The following BANP variants were observed in gnomAD, a reference collection of about 807,000 sequenced individuals.
The protein encoded by BANP is protein BANP.
A neutral mutation model predicts 68.1 loss-of-function variants in BANP; 11 were observed. The observed-to-expected ratio is 0.16, with a 90% CI of 0.10 to 0.27. The LOEUF is 0.27. Ranked by LOEUF, BANP falls within the 10% of genes least tolerant of loss-of-function variation. The probability of loss-of-function intolerance (pLI) is 1.00; values close to 1 mark genes in which losing one functional copy is unlikely to be tolerated. For synonymous variants in BANP, 329 were observed against 303.2 expected, an observed-to-expected ratio of 1.09 and a Z score of -0.88; for missense variants, 504 against 722.7, an observed-to-expected ratio of 0.70 and a Z score of 3.47.
intron 11 of BANP, among the ~76,000 whole-genome samples, chr16:88,061,071 CCACTT>C (rs1253629774): frequency 3.9e-5 from 6 of 152,302 alleles, no homozygotes; most frequent in Admixed American, 1.3e-4. Context: ...CCGCAGGCCT[CCACTT>C]CCCTTCCTTC....
intron 7 of BANP, among the ~76,000 whole-genome samples, chr16:88,024,915 C>T (rs7192236): frequency 1 from 151,859 of 152,392 alleles, 75,665 homozygotes; most frequent in Middle Eastern, 1. Flanking sequence ...ATGTTTTCAC[C>T]CATTTCTCTT....
rs531821685 is a variant in BANP at position 88,018,298 on chromosome 16, A to C, written c.656-130A>C. 1.6e-5 allele frequency: 19 copies of C among 1,206,524 alleles called. No homozygotes were observed. In the African/African-American group the frequency reaches 2.9e-4, roughly 18 times the overall value. The allele number at this position is 1,206,524 out of a possible 1,614,324, so 74.7% of individuals were successfully genotyped here. A position where few individuals can be genotyped will look rare whatever the true frequency, so the allele number is the denominator to read the frequency against. ...CAGCGCTCTTGGTGACTGCCTCACA[A>C]GTTACGAGGGATTTGCCCAGCCCTG... On this transcript the variant is annotated intron_variant, in intron 6 of 13. Coordinates refer to ENST00000682872, the MANE Select transcript of BANP (RefSeq NM_001386991.1). The surrounding 1 kb of genome is among the most constrained non-coding windows in gnomAD (Gnocchi z 7.7).
At position 88,018,507 on chromosome 16, in the gene BANP, C is replaced by T. The variant is rs773337940; in HGVS notation, c.735C>T (p.Asp245=). The T allele has an allele frequency of 4.3e-6, 7 of 1,613,606 alleles. No individual in the cohort carries two copies. The highest frequency in any genetic ancestry group is 1.7e-6 in the Non-Finnish European group (2 of 1,180,030). Residue 245 remains aspartate, a synonymous_variant, in exon 7 of 14, where the codon GAC becomes GAT. Coordinates refer to ENST00000682872, the MANE Select transcript of BANP (RefSeq NM_001386991.1). This position sits in a 1 kb window ranked among gnomAD's most constrained non-coding sequence, Gnocchi z 7.7. ...TACGCTGCGCCATCATCCCCTCCGA[C>T]ATGCTGCACATCAGCACCAACTGCC... ...MRVRCAIIPS[D]MLHISTNCRT... is the part of the protein sequence containing the mutation.
intron 1 of BANP, among the ~76,000 whole-genome samples, chr16:87,962,389 A>G (rs768949497): frequency 1.1e-4 from 17 of 152,214 alleles, no homozygotes; most frequent in Non-Finnish European, 2.4e-4. Flanking sequence ...ATTAAAAAAT[A>G]TTCAAACATT....
chr16:88,076,235 G>C (rs1370394382), intron 13 of BANP, among the ~76,000 whole-genome samples: 1 of 152,174 alleles, frequency 6.6e-6, no homozygotes, highest in African/African-American at 2.4e-5. Context: ...AAATATCTTC[G>C]GGAGGGCCAG....
chr16:88,003,545 G>T lies in BANP; in HGVS notation c.363-750G>T, dbSNP rs574374160. ...CCAGAAAGTGCTAAGGCTTAAAAAC[G>T]CATGATTGAAAACTGTGGGTGAGTC... On this transcript the variant is annotated intron_variant, in intron 4 of 13. Coordinates refer to ENST00000682872, the MANE Select transcript of BANP (RefSeq NM_001386991.1). This position sits in a 1 kb window ranked among gnomAD's most constrained non-coding sequence, Gnocchi z 6.1. 2 of 456,078 alleles carry T rather than the reference G, an allele frequency of 4.4e-6. No homozygotes were observed. Among genetic ancestry groups the T allele is most frequent in the Admixed American group, 2.3e-5 (1 of 42,558 alleles). 28.3% of individuals were successfully genotyped at this position (456,078 alleles called of 1,614,324 possible). A position where few individuals can be genotyped will look rare whatever the true frequency, so the allele number is the denominator to read the frequency against.
rs1246828061 is a variant in BANP, at chr16:88,029,532, A to AC, written c.1063+1884dup. ...AGGCTGAGGCAGGAGAATGGCGTGA[A>AC]CCTGGGAGGCGGAGCTTGCAGTGAG... is the stretch of plus-strand genomic sequence containing the variant. On this transcript the variant is annotated intron_variant, in intron 8 of 13. Coordinates refer to ENST00000682872, the MANE Select transcript of BANP (RefSeq NM_001386991.1). Among the ~76,000 whole-genome samples, 5 of 151,158 alleles carry AC rather than the reference A, an allele frequency of 3.3e-5. 1 individual carries two copies. Among genetic ancestry groups the AC allele is most frequent in the Admixed American group, 2.6e-4 (4 of 15,112 alleles).
At chr16:87,997,183 T>A (rs1323245188) in intron 4 of BANP, among the ~76,000 whole-genome samples, 4 of 152,244 alleles carry the variant, frequency 2.6e-5, no homozygotes, top group Non-Finnish European at 5.9e-5. Context: ...GGTCTTGAAC[T>A]CCTGGGCTCA....
At chr16:88,065,909 C>G (rs1012940794) in intron 12 of BANP, among the ~76,000 whole-genome samples, 1 of 152,126 alleles carries the variant, frequency 6.6e-6, no homozygotes, top group African/African-American at 2.4e-5. Flanking sequence ...AGGGCCCCAG[C>G]CATGCTTGCC....
intron 11 of BANP, among the ~76,000 whole-genome samples, chr16:88,051,130 C>A (rs1474817051): frequency 3.9e-5 from 6 of 152,230 alleles, no homozygotes; most frequent in African/African-American, 1.4e-4. Flanking sequence ...GCACCCGGGT[C>A]CCTCCCGTGT....
At chr16:87,997,624 T>C (rs1405419003) in intron 4 of BANP, among the ~76,000 whole-genome samples, 2 of 152,176 alleles carry the variant, frequency 1.3e-5, no homozygotes, top group Admixed American at 6.5e-5. Context: ...AGTGAGACCA[T>C]GTCTTCATGG....
chr16:87,974,809 A>G (rs949536976), intron 1 of BANP, among the ~76,000 whole-genome samples: 2 of 152,152 alleles, frequency 1.3e-5, no homozygotes, highest in Admixed American at 6.5e-5. Context: ...GTGGAAACGG[A>G]GAGGCCCCGG....
At chr16:88,061,930 A>G (rs930745169) in intron 11 of BANP, among the ~76,000 whole-genome samples, 2 of 152,046 alleles carry the variant, frequency 1.3e-5, no homozygotes, top group African/African-American at 4.8e-5. Flanking sequence ...AAGTGCTAGG[A>G]CTGCAGGCAT....
chr16:88,023,522 G>A (rs1319254761), intron 7 of BANP, among the ~76,000 whole-genome samples: 1 of 150,580 alleles, frequency 6.6e-6, no homozygotes, highest in Non-Finnish European at 1.5e-5. Context: ...GAAGAAATCA[G>A]TTGTTGGCAC....
chr16:88,011,999 G>T (rs6540141), intron 6 of BANP, among the ~76,000 whole-genome samples: 35 of 152,194 alleles, frequency 2.3e-4, no homozygotes, highest in Admixed American at 1.6e-3. Context: ...CCTTTATGGG[G>T]TGTCCCTAGT....
intron 1 of BANP, among the ~76,000 whole-genome samples, chr16:87,972,628 G>T (rs1055684788): frequency 6.6e-6 from 1 of 152,038 alleles, no homozygotes; most frequent in East Asian, 1.9e-4. Context: ...GTTTAGAATC[G>T]TTTCTCTAAT....
intron 4 of BANP, among the ~76,000 whole-genome samples, chr16:87,987,556 C>A (rs12922326): frequency 2.0e-5 from 3 of 151,144 alleles, no homozygotes; most frequent in Non-Finnish European, 4.4e-5. Flanking sequence ...AGACCCCCAT[C>A]TGCACAAAAA....
chr16:87,979,458 C>T (rs866951244), intron 2 of BANP, among the ~76,000 whole-genome samples: 1 of 151,478 alleles, frequency 6.6e-6, no homozygotes, highest in Admixed American at 6.6e-5. Flanking sequence ...AACGGCTTCC[C>T]GAACTAGGCG....
intron 8 of BANP, among the ~76,000 whole-genome samples, chr16:88,032,879 C>G (rs763029016): frequency 6.6e-6 from 1 of 152,226 alleles, no homozygotes; most frequent in Non-Finnish European, 1.5e-5. Context: ...ATAGCAGCAT[C>G]ACGCCACTCT....
Sources: gnomAD v4.1 joint callset for allele counts (sites outside exome capture counted in the v4.1 genomes callset) on GRCh38, gnomAD v4.1.1 for gene constraint, Gnocchi (gnomAD v3.1) non-coding constraint, MANE v1.5 for transcripts, NCBI Gene and HGNC (gene_info 2026-07-23, HGNC 2026-07-21) for gene names.